Variants in ZCCHC7 observed in about 807,000 individuals in gnomAD.
The protein encoded by ZCCHC7 is zinc finger CCHC domain-containing protein 7.
In ZCCHC7, 35 loss-of-function variants were observed where a neutral mutation model predicts 52.0. The observed-to-expected ratio is 0.67, with a 90% CI of 0.51 to 0.89. The LOEUF is 0.89. Ranked by LOEUF, ZCCHC7 falls within the 40% of genes least tolerant of loss-of-function variation. The pLI is 0.00. For missense variants in ZCCHC7, 574 were observed against 649.1 expected, an observed-to-expected ratio of 0.88 and a Z score of 1.26; for synonymous variants, 217 against 221.5, an observed-to-expected ratio of 0.98 and a Z score of 0.18.
chr9:37,285,654 T>C (rs574490406), intron 2 of ZCCHC7, among the ~76,000 whole-genome samples: 1 of 152,336 alleles, frequency 6.6e-6, no homozygotes, highest in African/African-American at 2.4e-5. Context: ...AATCAATACT[T>C]ACTAGTTGCT....
At position 37,318,621 on chromosome 9, in the gene ZCCHC7, A is replaced by T. The variant is rs112156755; in HGVS notation, c.952-9178A>T. Among the ~76,000 whole-genome samples, 129 of 152,140 alleles carry T rather than the reference A, an allele frequency of 8.5e-4. 2 individuals carry two copies. Among genetic ancestry groups the T allele is most frequent in the African/African-American group, 2.9e-3 (122 of 41,502 alleles). On this transcript the variant is annotated intron_variant, in intron 5 of 8. Coordinates refer to ENST00000336755, the MANE Select transcript of ZCCHC7 (RefSeq NM_032226.3). The stretch of plus-strand genomic sequence containing the variant: ...ATATATGTAGATTTGCATAGAAAAA[A>T]GTTTGAGTGGGCCCTGTGTGGTGGC...
chr9:37,134,466 T>C (rs1361250377), intron 2 of ZCCHC7, among the ~76,000 whole-genome samples: 1 of 152,258 alleles, frequency 6.6e-6, no homozygotes, highest in Admixed American at 6.5e-5. Flanking sequence ...CACTTTGCTT[T>C]TGATATGTTA....
intron 2 of ZCCHC7, among the ~76,000 whole-genome samples, chr9:37,153,959 G>C (rs891349823): frequency 6.6e-6 from 1 of 152,050 alleles, no homozygotes; most frequent in Non-Finnish European, 1.5e-5. Flanking sequence ...GTACAATCAC[G>C]GTTCATTGCA....
At chr9:37,279,395 C>T (rs1827839522) in intron 2 of ZCCHC7, among the ~76,000 whole-genome samples, 1 of 150,888 alleles carries the variant, frequency 6.6e-6, no homozygotes, top group Non-Finnish European at 1.5e-5. Flanking sequence ...TATTTCAGTT[C>T]TTAGAACAGA....
intron 6 of ZCCHC7, among the ~76,000 whole-genome samples, chr9:37,335,979 C>G (rs1205706441): frequency 6.6e-6 from 1 of 152,112 alleles, no homozygotes; most frequent in Non-Finnish European, 1.5e-5. Flanking sequence ...AATATTTGCT[C>G]TCTATACAAA....
At chr9:37,127,412 T>C (rs942630643) in intron 2 of ZCCHC7, among the ~76,000 whole-genome samples, 2 of 152,052 alleles carry the variant, frequency 1.3e-5, no homozygotes, top group African/African-American at 4.8e-5. Flanking sequence ...GGAATTAGTG[T>C]TAGGATTAGG....
intron 2 of ZCCHC7, among the ~76,000 whole-genome samples, chr9:37,245,605 A>T (rs1826049069): frequency 6.6e-6 from 1 of 152,002 alleles, no homozygotes. Flanking sequence ...CTTACAATAC[A>T]AAGTGTAAGT....
At chr9:37,207,056 T>G (rs1254225062) in intron 2 of ZCCHC7, among the ~76,000 whole-genome samples, 1 of 151,814 alleles carries the variant, frequency 6.6e-6, no homozygotes, top group African/African-American at 2.4e-5. Context: ...AACCCAGGAG[T>G]TTGAGGCTAC....
At chr9:37,271,770 A>G (rs560718846) in intron 2 of ZCCHC7, among the ~76,000 whole-genome samples, 5 of 152,206 alleles carry the variant, frequency 3.3e-5, no homozygotes, top group Admixed American at 2.6e-4. Context: ...AGGTTTCACC[A>G]TGTTGGCCAG....
rs1185675525 is a variant in ZCCHC7, at chr9:37,247,789, GCCTATAGT to G, written c.611-54396_611-54389del. 3.3e-5 allele frequency among the ~76,000 whole-genome samples: 5 copies of G among 151,996 alleles called. No homozygotes were observed. The East Asian group carries it at 9.6e-4, about 29-fold the overall frequency. On this transcript the variant is annotated intron_variant, in intron 2 of 8. Coordinates refer to ENST00000336755, the MANE Select transcript of ZCCHC7 (RefSeq NM_032226.3). Reference sequence around the variant, plus strand: ...CAATTAGCTGGGCATGGTGGCATGTGCCTATAGTCCCAACTAAGTAGTTCTCTGCTAAG... The same window carrying G: ...CAATTAGCTGGGCATGGTGGCATGTGCCCAACTAAGTAGTTCTCTGCTAAG...
intron 2 of ZCCHC7, among the ~76,000 whole-genome samples, chr9:37,236,086 C>CAT (rs1825638259): frequency 6.6e-6 from 1 of 152,110 alleles, no homozygotes; most frequent in Non-Finnish European, 1.5e-5. Context: ...ATTGCTGGAT[C>CAT]ATATGGTAGC....
chr9:37,190,323 C>CT (rs1451614205), intron 2 of ZCCHC7, among the ~76,000 whole-genome samples: 1 of 151,446 alleles, frequency 6.6e-6, no homozygotes, highest in Non-Finnish European at 1.5e-5. Context: ...TTCATTCTAT[C>CT]TAAGTATTAG....
At chr9:37,121,218 G>A (rs1355484391) in intron 1 of ZCCHC7, among the ~76,000 whole-genome samples, 2 of 152,240 alleles carry the variant, frequency 1.3e-5, no homozygotes, top group Non-Finnish European at 2.9e-5. Context: ...CGGTGGAAAA[G>A]CTGTGGCTGG....
intron 2 of ZCCHC7, among the ~76,000 whole-genome samples, chr9:37,246,838 TGGAACCTCTGGATACTGTG>T (rs922670295): frequency 6.6e-6 from 1 of 152,134 alleles, no homozygotes; most frequent in African/African-American, 2.4e-5. Flanking sequence ...CTTGGAACCT[TGGAACCTCTGGATACTGTG>T]GGACGACTGT....
At chr9:37,318,593 T>G in intron 5 of ZCCHC7, among the ~76,000 whole-genome samples, 1 of 152,046 alleles carries the variant, frequency 6.6e-6, no homozygotes, top group Non-Finnish European at 1.5e-5. Context: ...TGTGTGTGTT[T>G]CTATATATGT....
At position 37,305,581 on chromosome 9, in the gene ZCCHC7, A is replaced by G. The variant is rs758553386; in HGVS notation, c.818A>G (p.His273Arg). ...TGCTTCCTGTGCTCCAGGAGAGGAC[A>G]TCTCCTGTATTCCTGTCCAGCCCCC... Reference protein sequence around the residue: ...RRCFLCSRRGHLLYSCPAPLC... With the variant: ...RRCFLCSRRGRLLYSCPAPLC... Residue 273 changes from histidine to arginine, a missense_variant, in exon 5 of 9, where the codon CAT becomes CGT. By Grantham distance (29) the His-to-Arg change is conservative. Transcript: ENST00000336755. 2 of 1,614,110 alleles carry G rather than the reference A, an allele frequency of 1.2e-6. No individual in the cohort carries two copies. Among genetic ancestry groups the G allele is most frequent in the Non-Finnish European group, 1.7e-6 (2 of 1,180,014 alleles).
Position 37,171,334 on chromosome 9 carries a change from T to G in ZCCHC7, c.610+44392T>G, listed in dbSNP as rs73646329. ...AGCATTGTTTCTTGCTGGTGAGTTG[T>G]TAGCTTGTTTGTGAGTGCTGTTTTC... On this transcript the variant is annotated intron_variant, in intron 2 of 8. Coordinates refer to ENST00000336755, the MANE Select transcript of ZCCHC7 (RefSeq NM_032226.3). 5.5e-3 allele frequency among the ~76,000 whole-genome samples: 831 copies of G among 152,348 alleles called. 5 individuals carry two copies. The highest frequency in any genetic ancestry group is 0.019 in the African/African-American group (783 of 41,586).
At chr9:37,146,215 T>C (rs1027402653) in intron 2 of ZCCHC7, among the ~76,000 whole-genome samples, 1 of 151,976 alleles carries the variant, frequency 6.6e-6, no homozygotes, top group African/African-American at 2.4e-5. Context: ...TAATTTATTA[T>C]GGAATTGAAT....
chr9:37,302,609 C>T (rs575509056), intron 3 of ZCCHC7, among the ~76,000 whole-genome samples: 44 of 152,260 alleles, frequency 2.9e-4, no homozygotes, highest in African/African-American at 1.1e-3. Flanking sequence ...GTGGCAGATG[C>T]TACAAAAAGA....
Sources: gnomAD v4.1 joint callset for allele counts (sites outside exome capture counted in the v4.1 genomes callset) on GRCh38, gnomAD v4.1.1 for gene constraint, MANE v1.5 for transcripts, NCBI Gene and HGNC (gene_info 2026-07-23, HGNC 2026-07-21) for gene names.